Variants in ABCC8 observed in about 807,000 individuals in gnomAD.
The protein encoded by ABCC8 is ATP binding cassette subfamily C member 8.
In ABCC8, 137 loss-of-function variants were observed where a neutral mutation model predicts 188.0. That is an observed-to-expected ratio of 0.73 (90% CI 0.63 to 0.84). ABCC8 has a LOEUF of 0.84. ABCC8 is among the 40% of genes least tolerant of loss of function. The probability of loss-of-function intolerance (pLI) is 0.00; values close to 1 mark genes in which losing one functional copy is unlikely to be tolerated. For missense variants in ABCC8, 1,750 were observed against 2,072.7 expected, an observed-to-expected ratio of 0.84 and a Z score of 3.02; for synonymous variants, 797 against 846.5, an observed-to-expected ratio of 0.94 and a Z score of 1.01.
At chr11:17,453,398 T>C in intron 6 of ABCC8, 115 bp from the exon 7 acceptor site, 2 of 1,401,216 alleles carry the variant, frequency 1.4e-6, no homozygotes, top group Non-Finnish European at 2.0e-6. Context: ...CCCTCTGGGC[T>C]TGCAAAGGCT....
chr11:17,450,260 CTCTTTCTT>C (rs58452277), intron 7 of ABCC8, among the ~76,000 whole-genome samples: 4,781 of 67,092 alleles, frequency 0.071, 126 homozygotes, highest in Non-Finnish European at 0.089. Context: ...TTCTTTCTTT[CTCTTTCTT>C]TCTTTCTTTC....
intron 16 of ABCC8, among the ~76,000 whole-genome samples, chr11:17,417,194 C>A (rs1955122615): frequency 1.3e-5 from 2 of 152,174 alleles, no homozygotes; most frequent in South Asian, 2.1e-4. Flanking sequence ...GCGTTCCTGG[C>A]ATTGACTCGG....
chr11:17,412,329 G>A (rs1046540563), intron 21 of ABCC8, among the ~76,000 whole-genome samples: 2 of 152,232 alleles, frequency 1.3e-5, no homozygotes, highest in African/African-American at 4.8e-5. Flanking sequence ...GATGGGAAGT[G>A]GCAGCACACA....
chr11:17,436,090 C>A, intron 10 of ABCC8: 2 of 862,348 alleles, frequency 2.3e-6, no homozygotes, highest in Non-Finnish European at 4.0e-6. Context: ...GGCTGTGATT[C>A]CCAAAGGAAC....
Position 17,407,366 on chromosome 11 carries a change from C to T in ABCC8, c.2908G>A (p.Glu970Lys), listed in dbSNP as rs1954593152. The change falls in exon 24 of 39, where the codon GAA (glutamate) becomes AAA (lysine). Residue 970 changes from glutamate (E) to lysine (K), a missense_variant. Transcript: ENST00000389817. ...SSRDGLLQDE[E>K]EEEEEAAESE... ...CCATTGCCTGTACCTTCCTCCTCTT[C>T]CTCATCCTGCAGAAGGCCATCCCTC... The T allele has an allele frequency of 6.2e-7, 1 of 1,614,232 alleles. No individual in the cohort carries two copies. Among genetic ancestry groups the T allele is most frequent in the South Asian group, 1.1e-5 (1 of 91,084 alleles).
rs2133710710 is a variant in ABCC8 at position 17,470,093 on chromosome 11, T to C, written c.412+8A>G. 2 of 1,614,080 alleles carry C rather than the reference T, an allele frequency of 1.2e-6. No homozygotes were observed. Among genetic ancestry groups the C allele is most frequent in the Non-Finnish European group, 1.7e-6 (2 of 1,179,990 alleles). On this transcript the variant is annotated splice_region_variant and intron_variant, in intron 3 of 38. Coordinates refer to ENST00000389817, the MANE Select transcript of ABCC8 (RefSeq NM_000352.6). ...AGGTACTGCCCCTCCCTCCTACACC[T>C]CACCTACCAATTAGCAGCTTGGGGA... is the stretch of plus-strand genomic sequence containing the variant.
At chr11:17,405,320 TC>T (rs1954461084) in intron 27 of ABCC8, among the ~76,000 whole-genome samples, 173 bp downstream of exon 27, 1 of 152,182 alleles carries the variant, frequency 6.6e-6, no homozygotes, top group Non-Finnish European at 1.5e-5. Context: ...ACTGTGAGGC[TC>T]CCACGAGGGA....
intron 8 of ABCC8, chr11:17,448,286 T>A (rs1029886724): frequency 1.1e-5 from 6 of 548,882 alleles, no homozygotes; most frequent in African/African-American, 1.9e-5. Flanking sequence ...GCTCCATTTT[T>A]AAAGTCTTAA....
chr11:17,399,364 C>T (rs1233057778), intron 29 of ABCC8, among the ~76,000 whole-genome samples: 1 of 151,668 alleles, frequency 6.6e-6, no homozygotes, highest in African/African-American at 2.4e-5. Context: ...CCCCCTCCTG[C>T]CAACCTAATT....
intron 31 of ABCC8, 56 bp from the exon 32 acceptor site, chr11:17,397,369 C>G: frequency 6.2e-7 from 1 of 1,601,730 alleles, no homozygotes; most frequent in Non-Finnish European, 8.5e-7. Flanking sequence ...CTGTCCTCAG[C>G]CACCAGAATG....
intron 4 of ABCC8, 24 bp from the exon 5 acceptor site, chr11:17,461,849 G>C (rs1424522692): frequency 6.2e-7 from 1 of 1,612,932 alleles, no homozygotes; most frequent in Non-Finnish European, 8.5e-7. Context: ...GGGCCATGGG[G>C]GATGGGTAAG....
Position 17,435,660 on chromosome 11 carries a change from A to G in ABCC8, c.1631-3416T>C. 2.8e-6 allele frequency: 4 copies of G among 1,409,544 alleles called. No homozygotes were observed. The East Asian group carries it at 9.1e-5, about 32-fold the overall frequency. The allele number at this position is 1,409,544 out of a possible 1,614,324, so 87.3% of individuals were successfully genotyped here. A position where few individuals can be genotyped will look rare whatever the true frequency, so the allele number is the denominator to read the frequency against. The stretch of plus-strand genomic sequence containing the variant: ...TAATGTGTAGGAAGATGATGCTGGG[A>G]ACCTCTGTTCTTCACATGGCTGCCA... On this transcript the variant is annotated intron_variant, in intron 10 of 38. Coordinates refer to ENST00000389817, the MANE Select transcript of ABCC8 (RefSeq NM_000352.6).
intron 2 of ABCC8, among the ~76,000 whole-genome samples, chr11:17,473,035 A>G (rs1310244835): frequency 1.3e-5 from 2 of 152,136 alleles, no homozygotes; most frequent in East Asian, 1.9e-4. Context: ...ACTTTCTCAC[A>G]CATTTTTAAG....
intron 14 of ABCC8, 113 bp downstream of exon 14, chr11:17,428,176 C>T: frequency 1.3e-6 from 2 of 1,562,704 alleles, no homozygotes; most frequent in South Asian, 1.1e-5. Context: ...ACCGTACAGG[C>T]AGGCAGGGTG....
intron 6 of ABCC8, among the ~76,000 whole-genome samples, chr11:17,456,360 A>T (rs1283428955): frequency 2.0e-5 from 3 of 147,488 alleles, no homozygotes; most frequent in African/African-American, 8.1e-5. Context: ...AGGAGAATAA[A>T]TGAGTTAGCT....
intron 26 of ABCC8, chr11:17,406,324 A>C (rs1954519953): frequency 2.4e-6 from 1 of 425,352 alleles, no homozygotes; most frequent in African/African-American, 2.0e-5. Context: ...GGCAAATTAC[A>C]CCCACTTAGG....
chr11:17,445,942 G>A (rs1213944160), intron 8 of ABCC8, among the ~76,000 whole-genome samples: 1 of 151,452 alleles, frequency 6.6e-6, no homozygotes, highest in South Asian at 2.1e-4. Context: ...CCGTGCAGCA[G>A]GTTTAGTAGA....
chr11:17,466,419 AGAC>A (rs1006155054), intron 3 of ABCC8, among the ~76,000 whole-genome samples: 2 of 150,500 alleles, frequency 1.3e-5, no homozygotes, highest in Non-Finnish European at 3.0e-5. Context: ...AAAAAAAAAA[AGAC>A]AGTGCATGAT....
chr11:17,405,465 G>A lies in ABCC8; in HGVS notation c.3399+29C>T, dbSNP rs201501833. On this transcript the variant is annotated intron_variant, in intron 27 of 38. Transcript: ENST00000389817. ...CAGGGGTCCGAGGTGTCTCTGGAAG[G>A]GGGGATAGTGTGGCACGGTCCTCTG... 122 of 1,614,112 alleles carry A rather than the reference G, an allele frequency of 7.6e-5. No individual in the cohort carries two copies. In the African/African-American group the frequency reaches 1.2e-3, roughly 16 times the overall value.
Sources: gnomAD v4.1 joint callset for allele counts (sites outside exome capture counted in the v4.1 genomes callset) on GRCh38, gnomAD v4.1.1 for gene constraint, MANE v1.5 for transcripts, NCBI Gene and HGNC (gene_info 2026-07-23, HGNC 2026-07-21) for gene names.